Variants in FXR2 observed in about 807,000 individuals in gnomAD.
FXR2 encodes RNA-binding protein FXR2.
Under a neutral mutation model 87.3 loss-of-function variants are expected in FXR2, and 9 were observed. The ratio of observed to expected loss-of-function variants is 0.10; its 90% CI spans 0.06 to 0.18. The LOEUF (loss-of-function observed/expected upper bound fraction) is 0.18, where lower values mean the gene tolerates loss of function less well. Ranked by LOEUF, FXR2 falls within the 10% of genes least tolerant of loss-of-function variation. FXR2 has a pLI of 1.00. For synonymous variants in FXR2, 331 were observed against 328.3 expected, an observed-to-expected ratio of 1.01 and a Z score of -0.09; for missense variants, 661 against 893.6, an observed-to-expected ratio of 0.74 and a Z score of 3.32.
intron 7 of FXR2, among the ~76,000 whole-genome samples, chr17:7,597,681 T>C (rs1266283768): frequency 6.6e-6 from 1 of 152,152 alleles, no homozygotes; most frequent in Admixed American, 6.6e-5. Flanking sequence ...AGTGCTGGGA[T>C]TGCAGGCGTG....
At chr17:7,604,721 CTT>C (rs202152843) in intron 3 of FXR2, among the ~76,000 whole-genome samples, 74 of 130,450 alleles carry the variant, frequency 5.7e-4, no homozygotes, top group East Asian at 2.2e-3. Context: ...TGGGATGCAT[CTT>C]TTTTTTTTTT....
At chr17:7,603,717 T>C in intron 5 of FXR2, 40 bp downstream of exon 5, 1 of 1,600,938 alleles carries the variant, frequency 6.2e-7, no homozygotes, top group African/African-American at 1.3e-5. Flanking sequence ...AGATTAGGGC[T>C]GTAAAGAGGG....
Position 7,592,930 on chromosome 17 carries a change from G to A in FXR2, c.1529-36C>T. 6.5e-7 allele frequency: 1 copy of A among 1,545,898 alleles called. No homozygotes were observed. The highest frequency in any genetic ancestry group is 8.7e-7 in the Non-Finnish European group (1 of 1,144,820). ...GAAGAAGAGGAGGAGTTGGCAGTCA[G>A]GTGCCCATCATCTTTCCTTTTGGCC... On this transcript the variant is annotated intron_variant, in intron 13 of 16. Transcript: ENST00000250113. This position sits in a 1 kb window ranked among gnomAD's most constrained non-coding sequence, Gnocchi z 4.8.
In FXR2 at chr17:7,614,546, C is replaced by A. The variant is rs930770254; in HGVS notation, c.-14G>T. On this transcript the variant is annotated 5_prime_UTR_variant, in exon 1 of 17. Transcript: ENST00000250113. The stretch of plus-strand genomic sequence containing the variant: ...CAGGCCGCCCATGGCGCCGCCACCG[C>A]CTCCGACTCCCCCGGCGGCGGCTGC... The A allele has an allele frequency of 2.1e-6, 3 of 1,448,272 alleles. No individual in the cohort carries two copies. Among genetic ancestry groups the A allele is most frequent in the Non-Finnish European group, 2.7e-6 (3 of 1,100,040 alleles). The allele number at this position is 1,448,272 out of a possible 1,614,324, so 89.7% of individuals were successfully genotyped here.
intron 7 of FXR2, among the ~76,000 whole-genome samples, chr17:7,600,758 C>T (rs571658409): frequency 4.6e-5 from 7 of 152,262 alleles, no homozygotes; most frequent in African/African-American, 1.7e-4. Flanking sequence ...GTGGCACAAG[C>T]CTGTAGTCCC....
chr17:7,609,172 G>A (rs921226001), intron 1 of FXR2, among the ~76,000 whole-genome samples: 18 of 152,166 alleles, frequency 1.2e-4, no homozygotes, highest in Admixed American at 6.5e-5. Flanking sequence ...TAATACACAA[G>A]AACTATTCAT....
intron 6 of FXR2, among the ~76,000 whole-genome samples, chr17:7,602,004 G>A (rs1217122184): frequency 6.6e-6 from 1 of 152,172 alleles, no homozygotes; most frequent in African/African-American, 2.4e-5. Context: ...GGTACTGAAG[G>A]AAAATGGTTT....
At chr17:7,613,914 T>G in intron 1 of FXR2, 1 of 398,852 alleles carries the variant, frequency 2.5e-6, no homozygotes, top group South Asian at 1.8e-5. Flanking sequence ...TAAATGGATC[T>G]GACCATTTCT....
Position 7,593,726 on chromosome 17 carries a change from G to T in FXR2, c.1108-101C>A. The T allele has an allele frequency of 1.1e-6, 1 of 896,528 alleles. No homozygotes were observed. The highest frequency in any genetic ancestry group is 1.8e-6 in the Non-Finnish European group (1 of 568,714). The allele number at this position is 896,528 out of a possible 1,614,324, so 55.5% of individuals were successfully genotyped here. On this transcript the variant is annotated intron_variant, in intron 11 of 16. Transcript: ENST00000250113. The surrounding 1 kb of genome is among the most constrained non-coding windows in gnomAD (Gnocchi z 6.1). ...TGTCCCTCTATATCTAACCTCTCAG[G>T]AATGCAGGGAGAAGGAAGACACTGG...
At position 7,595,818 on chromosome 17, in the gene FXR2, G is replaced by A. The variant is rs1385293674; in HGVS notation, c.831+6C>T. On this transcript the variant is annotated splice_donor_region_variant and intron_variant, in intron 8 of 16. Coordinates refer to ENST00000250113, the MANE Select transcript of FXR2 (RefSeq NM_004860.4). The surrounding 1 kb of genome is among the most constrained non-coding windows in gnomAD (Gnocchi z 4.7). ...GAGACCCAGAAGAAAGACATCCTTT[G>A]CTGACCTCCCCATAGATGCGGAAAG... 6.2e-7 allele frequency: 1 copy of A among 1,611,314 alleles called. No homozygotes were observed. The highest frequency in any genetic ancestry group is 1.3e-5 in the African/African-American group (1 of 74,930).
intron 1 of FXR2, among the ~76,000 whole-genome samples, chr17:7,609,943 T>TGTATATATATAC (rs2071839057): frequency 3.2e-5 from 2 of 63,034 alleles, no homozygotes; most frequent in East Asian, 6.7e-4. Flanking sequence ...TATATATACA[T>TGTATATATATAC]GTATATGTAT....
chr17:7,599,253 C>T (rs746751697), intron 7 of FXR2, among the ~76,000 whole-genome samples: 11 of 151,716 alleles, frequency 7.3e-5, no homozygotes, highest in Admixed American at 3.9e-4. Flanking sequence ...GAGCTGAGAT[C>T]GCACCACTAC....
Position 7,593,821 on chromosome 17 carries a change from G to A in FXR2, c.1107+97C>T, listed in dbSNP as rs755816928. 33 of 898,792 alleles carry A rather than the reference G, an allele frequency of 3.7e-5. No individual in the cohort carries two copies. Among genetic ancestry groups the A allele is most frequent in the Admixed American group, 1.8e-4 (9 of 50,574 alleles). The allele number at this position is 898,792 out of a possible 1,614,324, so 55.7% of individuals were successfully genotyped here. A position where few individuals can be genotyped will look rare whatever the true frequency, so the allele number is the denominator to read the frequency against. ...TCCACAGATGTTTTCTGTTCTACAC[G>A]GAGAGACAAACAGAGAACCAAAATC... On this transcript the variant is annotated intron_variant, in intron 11 of 16. Coordinates refer to ENST00000250113, the MANE Select transcript of FXR2 (RefSeq NM_004860.4). The surrounding 1 kb of genome is among the most constrained non-coding windows in gnomAD (Gnocchi z 6.1).
chr17:7,597,722 T>C (rs1428677947), intron 7 of FXR2, among the ~76,000 whole-genome samples: 1 of 152,126 alleles, frequency 6.6e-6, no homozygotes, highest in East Asian at 1.9e-4. Context: ...TTCCGGTTTT[T>C]AGAGGCTTCA....
Position 7,594,952 on chromosome 17 carries a change from T to G in FXR2, c.832-195A>C, listed in dbSNP as rs2071695801. ...TACAAAAATCAAAATACAAAAATAC[T>G]AAAATACTAAAAATACAAAATTGGT... On this transcript the variant is annotated intron_variant, in intron 8 of 16. Transcript: ENST00000250113. This position sits in a 1 kb window ranked among gnomAD's most constrained non-coding sequence, Gnocchi z 5.1. Among the ~76,000 whole-genome samples, 1 of 151,700 alleles carries G rather than the reference T, an allele frequency of 6.6e-6. No individual in the cohort carries two copies. The highest frequency in any genetic ancestry group is 2.4e-5 in the African/African-American group (1 of 41,266).
chr17:7,597,660 C>T (rs186061168), intron 7 of FXR2, among the ~76,000 whole-genome samples: 10 of 152,246 alleles, frequency 6.6e-5, no homozygotes, highest in Non-Finnish European at 1.2e-4. Flanking sequence ...CCACCTGCCT[C>T]GGCTTCCCAA....
intron 4 of FXR2, 41 bp downstream of exon 4, chr17:7,603,968 T>C: frequency 3.1e-6 from 5 of 1,607,386 alleles, no homozygotes; most frequent in Non-Finnish European, 2.6e-6. Flanking sequence ...GAATAACATA[T>C]TTGTTTCAGT....
intron 1 of FXR2, chr17:7,614,051 G>A (rs1245363979): frequency 2.1e-6 from 1 of 468,576 alleles, no homozygotes; most frequent in South Asian, 1.5e-5. Context: ...AAGGGACCGT[G>A]TGGAAGAAAG....
At position 7,595,391 on chromosome 17, in the gene FXR2, G is replaced by T. The variant is rs2071699374; in HGVS notation, c.831+433C>A. Among the ~76,000 whole-genome samples the T allele has an allele frequency of 6.6e-6, 1 of 151,768 alleles. No individual in the cohort carries two copies. ...CTTTCCAGGCTCAAGTGATCCTCCTGCCTCCGCCTCCCAAGTAGCCAAGTA... is the reference window on the plus strand; with the variant it reads ...CTTTCCAGGCTCAAGTGATCCTCCTTCCTCCGCCTCCCAAGTAGCCAAGTA... On this transcript the variant is annotated intron_variant, in intron 8 of 16. Coordinates refer to ENST00000250113, the MANE Select transcript of FXR2 (RefSeq NM_004860.4). This position sits in a 1 kb window ranked among gnomAD's most constrained non-coding sequence, Gnocchi z 4.7.
Sources: allele counts gnomAD v4.1 joint callset (sites outside exome capture counted in the v4.1 genomes callset), GRCh38; gene constraint gnomAD v4.1.1; non-coding constraint Gnocchi (gnomAD v3.1); transcripts MANE v1.5; gene names NCBI Gene and HGNC (gene_info 2026-07-23, HGNC 2026-07-21).